The following PCDH9 variants were observed in gnomAD, a reference collection of about 807,000 sequenced individuals.
PCDH9 encodes the protein protocadherin 9.
PCDH9 carries 24 observed loss-of-function variants against 70.6 expected under a neutral mutation model. The ratio of observed to expected loss-of-function variants is 0.34; its 90% CI spans 0.25 to 0.48. PCDH9 has a LOEUF of 0.48. PCDH9 is among the 20% of genes least tolerant of loss of function. The pLI, the probability that PCDH9 is intolerant of heterozygous loss-of-function variation, is 0.99. For missense variants in PCDH9, 1,281 were observed against 1,503.6 expected (o/e 0.85, Z 2.45); for synonymous variants, 562 against 558.5 (o/e 1.01, Z -0.09).
intron 2 of PCDH9, among the ~76,000 whole-genome samples, chr13:67,037,887 TGGA>T (rs1446850140): frequency 1.1e-4 from 16 of 152,164 alleles, no homozygotes; most frequent in Non-Finnish European, 2.2e-4. Flanking sequence ...GTTGAAAATG[TGGA>T]GGAGTCATTT....
At chr13:66,759,794 C>T (rs574357232) in intron 3 of PCDH9, among the ~76,000 whole-genome samples, 1 of 92,904 alleles carries the variant, frequency 1.1e-5, no homozygotes, top group Non-Finnish European at 2.4e-5. Context: ...ATTTAAATTG[C>T]ATGCCCTTTA....
At chr13:66,916,193 C>G (rs1306616656) in intron 2 of PCDH9, among the ~76,000 whole-genome samples, 1 of 151,622 alleles carries the variant, frequency 6.6e-6, no homozygotes, top group Non-Finnish European at 1.5e-5. Flanking sequence ...CAGATATATT[C>G]TCAATCCCGT....
Position 66,826,312 on chromosome 13 carries a change from T to A in PCDH9, c.3138+77192A>T, listed in dbSNP as rs80054246. Among the ~76,000 whole-genome samples, 1,322 of 152,274 alleles carry A rather than the reference T, an allele frequency of 8.7e-3. 20 individuals carry two copies. Among genetic ancestry groups the A allele is most frequent in the African/African-American group, 0.03 (1,247 of 41,570 alleles). On this transcript the variant is annotated intron_variant, in intron 3 of 4. Coordinates refer to ENST00000377865, the MANE Select transcript of PCDH9 (RefSeq NM_203487.3). ...TCTCCAGGATTCCCTAGTTTTTGGT[T>A]TTTTGGTTTTGGTTCTTTCTTCTTG... is the stretch of plus-strand genomic sequence containing the variant.
chr13:66,742,026 C>A (rs1337952188), intron 3 of PCDH9, among the ~76,000 whole-genome samples: 1 of 123,110 alleles, frequency 8.1e-6, no homozygotes, highest in Non-Finnish European at 1.7e-5. Context: ...AAAGAGCCCG[C>A]ATTGCCAAGT....
intron 2 of PCDH9, among the ~76,000 whole-genome samples, chr13:66,930,816 G>A (rs9571696): frequency 0.18 from 27,717 of 151,816 alleles, 2,988 homozygotes; most frequent in East Asian, 0.35. Flanking sequence ...CTGACCCACC[G>A]AAAAAAATTA....
rs561927994 is a variant in PCDH9 at position 66,870,281 on chromosome 13, T to C, written c.3138+33223A>G. ...GGCTCTGTTCTGTTCCATTGATCTC[T>C]ATCTCTGTTTTGGTACCAGTACCAT... is the stretch of plus-strand genomic sequence containing the variant. On this transcript the variant is annotated intron_variant, in intron 3 of 4. Coordinates refer to ENST00000377865, the MANE Select transcript of PCDH9 (RefSeq NM_203487.3). 3.3e-5 allele frequency among the ~76,000 whole-genome samples: 5 copies of C among 152,312 alleles called. No homozygotes were observed. The East Asian group carries it at 5.8e-4, about 18-fold the overall frequency.
chr13:66,668,838 C>A (rs760299270), intron 3 of PCDH9, among the ~76,000 whole-genome samples: 2 of 151,944 alleles, frequency 1.3e-5, no homozygotes, highest in Non-Finnish European at 2.9e-5. Context: ...ATTGTTAGCC[C>A]CAATTATTTT....
chr13:66,500,772 T>C (rs1482109848), intron 4 of PCDH9, among the ~76,000 whole-genome samples: 1 of 152,282 alleles, frequency 6.6e-6, no homozygotes, highest in East Asian at 1.9e-4. Flanking sequence ...TTCTATTTTA[T>C]TTCTATCATC....
At chr13:66,447,012 T>C (rs1199628183) in intron 4 of PCDH9, among the ~76,000 whole-genome samples, 1 of 151,998 alleles carries the variant, frequency 6.6e-6, no homozygotes, top group East Asian at 1.9e-4. Context: ...GTTCATAAGT[T>C]TAGGAGTGTG....
chr13:67,095,880 A>C (rs189379840), intron 2 of PCDH9, among the ~76,000 whole-genome samples: 2 of 152,308 alleles, frequency 1.3e-5, no homozygotes, highest in African/African-American at 4.8e-5. Context: ...CTCTCAAAAG[A>C]AACAATTAAA....
chr13:66,589,231 T>C (rs1485964131), intron 4 of PCDH9, among the ~76,000 whole-genome samples: 2 of 152,096 alleles, frequency 1.3e-5, no homozygotes, highest in East Asian at 1.9e-4. Flanking sequence ...CCACTGTACT[T>C]GAAAGAAAGC....
intron 4 of PCDH9, among the ~76,000 whole-genome samples, chr13:66,438,666 A>G (rs888953797): frequency 6.6e-6 from 1 of 152,172 alleles, no homozygotes; most frequent in Admixed American, 6.5e-5. Flanking sequence ...CCCAACCCAT[A>G]CAAGCCCACA....
chr13:66,372,370 A>C (rs1463227349), intron 4 of PCDH9, among the ~76,000 whole-genome samples: 1 of 151,898 alleles, frequency 6.6e-6, no homozygotes, highest in Non-Finnish European at 1.5e-5. Flanking sequence ...AAAGGATTTA[A>C]CTGAGAGAGA....
intron 3 of PCDH9, among the ~76,000 whole-genome samples, chr13:66,880,469 C>A (rs1228950166): frequency 6.6e-6 from 1 of 152,078 alleles, no homozygotes; most frequent in African/African-American, 2.4e-5. Context: ...CAGAAAGATT[C>A]TGAAACTTTG....
In PCDH9 at chr13:67,226,860, G is replaced by A; in HGVS notation, c.1581C>T (p.Ser527=). The A allele has an allele frequency of 6.2e-7, 1 of 1,614,134 alleles. No individual in the cohort carries two copies. Residue 527 remains serine (S), a synonymous_variant, in exon 2 of 5, where the codon TCC becomes TCT. Coordinates refer to ENST00000377865, the MANE Select transcript of PCDH9 (RefSeq NM_203487.3). The surrounding 1 kb of genome is among the most constrained non-coding windows in gnomAD (Gnocchi z 5.0). ...CTTGTTCTTCTCTGTCAAATACTCTGGAGGCTGTCAAAACTCCTGTTTTTC... is the reference window on the plus strand; with the variant it reads ...CTTGTTCTTCTCTGTCAAATACTCTAGAGGCTGTCAAAACTCCTGTTTTTC... ...LDRKTGVLTA[S]RVFDREEQER... is the part of the protein sequence containing the mutation.
At chr13:66,587,053 T>C (rs866873465) in intron 4 of PCDH9, among the ~76,000 whole-genome samples, 15 of 152,016 alleles carry the variant, frequency 9.9e-5, no homozygotes, top group African/African-American at 3.1e-4. Flanking sequence ...ACCAGCACTT[T>C]AGGAGGCCAA....
chr13:66,321,990 T>C (rs1955764026), intron 4 of PCDH9, among the ~76,000 whole-genome samples: 3 of 151,806 alleles, frequency 2.0e-5, no homozygotes, highest in Admixed American at 1.3e-4. Context: ...TTAAATTATA[T>C]GTGAAGTGGA....
chr13:66,524,798 T>G (rs1960142194), intron 4 of PCDH9, among the ~76,000 whole-genome samples: 2 of 152,068 alleles, frequency 1.3e-5, no homozygotes, highest in Non-Finnish European at 2.9e-5. Context: ...TAATATATTT[T>G]GGGAAGTCAA....
chr13:66,820,414 T>C (rs948607863), intron 3 of PCDH9, among the ~76,000 whole-genome samples: 7 of 152,186 alleles, frequency 4.6e-5, no homozygotes, highest in Admixed American at 1.3e-4. Flanking sequence ...TATAAATTAG[T>C]TCAACCATTG....
Sources: allele counts gnomAD v4.1 joint callset (sites outside exome capture counted in the v4.1 genomes callset), GRCh38; gene constraint gnomAD v4.1.1; non-coding constraint Gnocchi (gnomAD v3.1); transcripts MANE v1.5; gene names NCBI Gene and HGNC (gene_info 2026-07-23, HGNC 2026-07-21).